Variants in AIFM1 observed in about 807,000 individuals in gnomAD.
AIFM1 encodes apoptosis-inducing factor 1, mitochondrial.
Under a neutral mutation model 51.7 loss-of-function variants are expected in AIFM1, and 3 were observed. The ratio of observed to expected loss-of-function variants is 0.06; its 90% CI spans 0.03 to 0.15. The LOEUF (loss-of-function observed/expected upper bound fraction) is 0.15, where lower values mean the gene tolerates loss of function less well. Among genes scored for constraint, AIFM1 ranks in the 10% least tolerant of loss-of-function variants. The probability of loss-of-function intolerance (pLI) is 1.00; values close to 1 mark genes in which losing one functional copy is unlikely to be tolerated. For synonymous variants in AIFM1, 178 were observed against 179.4 expected, an observed-to-expected ratio of 0.99 and a Z score of 0.06; for missense variants, 330 against 476.8, an observed-to-expected ratio of 0.69 and a Z score of 2.87.
At chrX:130,156,345 AT>A (rs1263488229) in intron 2 of AIFM1, 115 bp downstream of exon 2, 6 of 1,039,592 alleles carry the variant, frequency 5.8e-6, no homozygotes, top group Non-Finnish European at 8.0e-6. Context: ...CTTTTTGAAA[AT>A]TTTTCCAAAA....
intron 1 of AIFM1, among the ~76,000 whole-genome samples, chrX:130,160,591 AT>A (rs995676649): frequency 1.3e-4 from 15 of 111,693 alleles, no homozygotes; most frequent in Non-Finnish European, 2.4e-4. Flanking sequence ...TACTATTAAA[AT>A]TTTTTTTAAA....
At chrX:130,152,301 A>C (rs186923852) in intron 2 of AIFM1, among the ~76,000 whole-genome samples, 22 of 111,041 alleles carry the variant, frequency 2.0e-4, no homozygotes, top group Admixed American at 1.9e-4. Context: ...AGACCAAGAA[A>C]TATCTAGAGG....
At chrX:130,153,405 T>C (rs1352348641) in intron 2 of AIFM1, among the ~76,000 whole-genome samples, 1 of 95,427 alleles carries the variant, frequency 1.0e-5, no homozygotes, top group Non-Finnish European at 2.1e-5. Context: ...TTTTGGAGGG[T>C]AAAGTGGGAG....
chrX:130,136,324 A>C (rs190417063), intron 11 of AIFM1, 139 bp from the exon 12 acceptor site: 1 of 769,534 alleles, frequency 1.3e-6, no homozygotes, highest in Non-Finnish European at 1.9e-6. Flanking sequence ...AATGGATTTT[A>C]AGTTCTATTT....
Position 130,165,660 on chromosome X carries a change from G to C in AIFM1, c.-4C>G, listed in dbSNP as rs775257076. On this transcript the variant is annotated 5_prime_UTR_variant, in exon 1 of 16. Transcript: ENST00000287295. ...CCAGGCCTCCACACCGGAACATTTCGGCGACCGCTATTCGGGACCTCCTCC... is the reference window on the plus strand; with the variant it reads ...CCAGGCCTCCACACCGGAACATTTCCGCGACCGCTATTCGGGACCTCCTCC... 4.2e-6 allele frequency: 5 copies of C among 1,186,663 alleles called. No homozygotes were observed. The highest frequency in any genetic ancestry group is 4.6e-5 in the Admixed American group (2 of 43,825).
rs2030719224 is a variant in AIFM1, at chrX:130,145,476, C to T, written c.696+3G>A. The T allele has an allele frequency of 8.3e-6, 10 of 1,202,426 alleles. No individual in the cohort carries two copies. The East Asian group carries it at 3.0e-4, about 36-fold the overall frequency. The stretch of plus-strand genomic sequence containing the variant: ...TGACAAAAGAAGCGGTCTACTAGCT[C>T]ACCTTCTTCCCAGTGAGGACAGCCA... On this transcript the variant is annotated splice_donor_region_variant and intron_variant, in intron 6 of 15. Coordinates refer to ENST00000287295, the MANE Select transcript of AIFM1 (RefSeq NM_004208.4).
At chrX:130,155,976 G>C (rs867817429) in intron 2 of AIFM1, among the ~76,000 whole-genome samples, 9 of 112,050 alleles carry the variant, frequency 8.0e-5, no homozygotes, top group Admixed American at 7.6e-4. Flanking sequence ...TTTAGTCTTT[G>C]GGTAAGATTC....
Position 130,139,843 on chromosome X carries a change from A to G in AIFM1, c.810T>C (p.Ile270=). Residue 270 remains isoleucine (I), a synonymous_variant, in exon 8 of 16, where the codon ATT becomes ATC. Coordinates refer to ENST00000287295, the MANE Select transcript of AIFM1 (RefSeq NM_004208.4). ...TGGTPRSLSA[I]DRAGAEVKSR... Reference sequence around the variant, plus strand: ...TCTTCACCTCTGCTCCAGCCCTATCAATGGCAGACAGACTTCTTGGAGTAC... The same window carrying G: ...TCTTCACCTCTGCTCCAGCCCTATCGATGGCAGACAGACTTCTTGGAGTAC... 8.3e-7 allele frequency: 1 copy of G among 1,211,188 alleles called. No homozygotes were observed. The highest frequency in any genetic ancestry group is 1.1e-6 in the Non-Finnish European group (1 of 894,899).
intron 5 of AIFM1, 119 bp from the exon 6 acceptor site, chrX:130,145,688 G>A (rs1032838258): frequency 1.1e-5 from 6 of 539,853 alleles, no homozygotes; most frequent in Admixed American, 2.8e-5. Flanking sequence ...TCCAAAGTAA[G>A]TCTCCAAGTC....
intron 8 of AIFM1, among the ~76,000 whole-genome samples, 183 bp downstream of exon 8, chrX:130,139,612 C>A (rs2030503109): frequency 9.0e-6 from 1 of 110,647 alleles, no homozygotes; most frequent in Admixed American, 9.7e-5. Flanking sequence ...AGCTTAAAAC[C>A]CTTGAGTGAG....
intron 15 of AIFM1, 104 bp from the exon 16 acceptor site, chrX:130,129,732 G>C (rs2029981209): frequency 1.2e-6 from 1 of 827,329 alleles, no homozygotes; most frequent in Non-Finnish European, 1.8e-6. Context: ...CACACTGGGA[G>C]GGAGTTGTGG....
At chrX:130,163,171 G>A (rs984132581) in intron 1 of AIFM1, among the ~76,000 whole-genome samples, 2 of 109,995 alleles carry the variant, frequency 1.8e-5, no homozygotes, top group African/African-American at 6.6e-5. Flanking sequence ...TTAGCCCGGC[G>A]TGGTGGTGCA....
chrX:130,138,248 C>T (rs769856084), intron 9 of AIFM1, among the ~76,000 whole-genome samples: 1 of 110,757 alleles, frequency 9.0e-6, no homozygotes, highest in South Asian at 3.8e-4. Flanking sequence ...GGCGGATCAC[C>T]AGGTCAGGAG....
chrX:130,138,784 T>G (rs1304517516), intron 8 of AIFM1, 83 bp from the exon 9 acceptor site: 1 of 682,637 alleles, frequency 1.5e-6, no homozygotes, highest in Non-Finnish European at 2.4e-6. Flanking sequence ...CTTCTAAATC[T>G]TTGGCAAAAG....
intron 5 of AIFM1, among the ~76,000 whole-genome samples, chrX:130,147,118 C>T (rs1236583824): frequency 1.8e-5 from 2 of 111,224 alleles, no homozygotes; most frequent in East Asian, 2.8e-4. Context: ...GCTGAGATTG[C>T]GCCACTGCAC....
At chrX:130,132,840 G>T (rs1281090778) in intron 13 of AIFM1, among the ~76,000 whole-genome samples, 2 of 106,875 alleles carry the variant, frequency 1.9e-5, no homozygotes, top group African/African-American at 3.4e-5. Context: ...TCCACCTCCT[G>T]GGTCCAAGCA....
intron 1 of AIFM1, among the ~76,000 whole-genome samples, chrX:130,161,639 G>A (rs1379920170): frequency 1.1e-5 from 1 of 93,036 alleles, no homozygotes; most frequent in African/African-American, 4.1e-5. Context: ...ACAGATTCTC[G>A]CTCTGTCGTC....
chrX:130,160,054 T>TA (rs1390171954), intron 1 of AIFM1, among the ~76,000 whole-genome samples: 1 of 111,087 alleles, frequency 9.0e-6, no homozygotes, highest in African/African-American at 3.3e-5. Context: ...AAATTGACTT[T>TA]AAAAAAAAGT....
Position 130,149,452 on chromosome X carries a change from C to T in AIFM1, c.349+17G>A, listed in dbSNP as rs769167443. On this transcript the variant is annotated intron_variant, in intron 3 of 15. Coordinates refer to ENST00000287295, the MANE Select transcript of AIFM1 (RefSeq NM_004208.4). ...TTGTGAGTCTCAAATCATAGCAAGACTTAAGGGAATACTCACCAGATAACG... is the reference window on the plus strand; with the variant it reads ...TTGTGAGTCTCAAATCATAGCAAGATTTAAGGGAATACTCACCAGATAACG... 8.5e-7 allele frequency: 1 copy of T among 1,180,147 alleles called. No individual in the cohort carries two copies. Among genetic ancestry groups the T allele is most frequent in the East Asian group, 3.0e-5 (1 of 33,763 alleles).
Sources: gnomAD v4.1 joint callset for allele counts (sites outside exome capture counted in the v4.1 genomes callset) on GRCh38, gnomAD v4.1.1 for gene constraint, MANE v1.5 for transcripts, NCBI Gene and HGNC (gene_info 2026-07-23, HGNC 2026-07-21) for gene names.